NEK1: variants seen among roughly 807,000 people sequenced by gnomAD.
The protein encoded by NEK1 is serine/threonine-protein kinase Nek1.
A neutral mutation model predicts 182.1 loss-of-function variants in NEK1; 137 were observed. The ratio of observed to expected loss-of-function variants is 0.75; its 90% confidence interval spans 0.65 to 0.87. The LOEUF is 0.87. NEK1 is among the 40% of genes least tolerant of loss of function. The pLI is 0.00. For missense variants in NEK1, 1,391 were observed against 1,494.4 expected (o/e 0.93, Z 1.14); for synonymous variants, 513 against 492.2 (o/e 1.04, Z -0.56).
At chr4:169,543,861 A>C (rs897537756) in intron 18 of NEK1, among the ~76,000 whole-genome samples, 1 of 152,218 alleles carries the variant, frequency 6.6e-6, no homozygotes, top group African/African-American at 2.4e-5. Flanking sequence ...GAAGTTGCTT[A>C]TCAGCTTAAG....
chr4:169,490,336 A>G (rs985341700), intron 23 of NEK1, among the ~76,000 whole-genome samples: 20 of 152,142 alleles, frequency 1.3e-4, no homozygotes, highest in African/African-American at 4.3e-4. Flanking sequence ...AGGTAAAATC[A>G]TCCCCTACAA....
intron 19 of NEK1, among the ~76,000 whole-genome samples, chr4:169,515,552 G>A (rs189461645): frequency 6.9e-4 from 99 of 143,510 alleles, no homozygotes; most frequent in African/African-American, 2.5e-3. Context: ...TGCACATTGT[G>A]CAGGTTAGTT....
intron 11 of NEK1, 31 bp downstream of exon 11, chr4:169,580,809 CAG>C (rs1228376682): frequency 1.5e-6 from 2 of 1,321,926 alleles, no homozygotes; most frequent in East Asian, 5.1e-5. Context: ...TTATTGCAAA[CAG>C]ATGAAAGGCT....
intron 27 of NEK1, among the ~76,000 whole-genome samples, chr4:169,461,895 TAAG>T (rs1322397992): frequency 6.6e-6 from 1 of 152,068 alleles, no homozygotes; most frequent in Non-Finnish European, 1.5e-5. Flanking sequence ...TGAACACAAC[TAAG>T]AAGTGTTCAA....
At chr4:169,573,763 G>C (rs1172682047) in intron 12 of NEK1, among the ~76,000 whole-genome samples, 1 of 152,184 alleles carries the variant, frequency 6.6e-6, no homozygotes, top group Non-Finnish European at 1.5e-5. Flanking sequence ...TATAAATGAG[G>C]CTAAGAAAGA....
chr4:169,418,732 C>G (rs1479912794), intron 31 of NEK1, among the ~76,000 whole-genome samples: 1 of 151,968 alleles, frequency 6.6e-6, no homozygotes, highest in African/African-American at 2.4e-5. Flanking sequence ...ACAAAATGAA[C>G]ATAATCTTAG....
intron 27 of NEK1, among the ~76,000 whole-genome samples, chr4:169,451,134 A>T (rs1216315586): frequency 6.6e-6 from 1 of 152,256 alleles, no homozygotes; most frequent in Non-Finnish European, 1.5e-5. Context: ...AGATTCATAA[A>T]GCAAGTTCTT....
intron 19 of NEK1, among the ~76,000 whole-genome samples, chr4:169,516,345 G>A: frequency 1.5e-5 from 2 of 130,376 alleles, no homozygotes; most frequent in Non-Finnish European, 3.1e-5. Context: ...GTTTTTGATG[G>A]GGTTGTTTGT....
intron 12 of NEK1, among the ~76,000 whole-genome samples, chr4:169,564,710 T>C (rs2149962743): frequency 6.6e-6 from 1 of 152,286 alleles, no homozygotes; most frequent in Admixed American, 6.5e-5. Context: ...TTCTTTCTAA[T>C]GAAACACAAC....
intron 31 of NEK1, among the ~76,000 whole-genome samples, chr4:169,423,849 T>C (rs954393757): frequency 1.3e-5 from 2 of 152,198 alleles, no homozygotes; most frequent in African/African-American, 4.8e-5. Context: ...TTTATGATGA[T>C]ATAAAGAGAA....
intron 12 of NEK1, among the ~76,000 whole-genome samples, chr4:169,568,127 T>C (rs147746510): frequency 1.5e-4 from 23 of 152,304 alleles, no homozygotes; most frequent in African/African-American, 4.3e-4. Flanking sequence ...GTCAGGCTGA[T>C]ACATGGCCAA....
At chr4:169,446,513 C>A (rs1413378121) in intron 27 of NEK1, among the ~76,000 whole-genome samples, 1 of 151,902 alleles carries the variant, frequency 6.6e-6, no homozygotes, top group Non-Finnish European at 1.5e-5. Context: ...CGATGAACAC[C>A]CATAACATCA....
At chr4:169,570,542 C>T (rs572177140) in intron 12 of NEK1, among the ~76,000 whole-genome samples, 44 of 147,756 alleles carry the variant, frequency 3.0e-4, no homozygotes, top group Non-Finnish European at 5.1e-4. Context: ...CATACCCGTC[C>T]GGGAGGGAGG....
chr4:169,610,455 A>T (rs1390691201), intron 2 of NEK1, among the ~76,000 whole-genome samples: 1 of 151,964 alleles, frequency 6.6e-6, no homozygotes, highest in African/African-American at 2.4e-5. Flanking sequence ...CTGGGATTAC[A>T]GGCACGCACC....
chr4:169,413,484 T>C (rs1734007242), intron 31 of NEK1, among the ~76,000 whole-genome samples: 1 of 152,196 alleles, frequency 6.6e-6, no homozygotes, highest in Non-Finnish European at 1.5e-5. Context: ...TCCAAAGTTT[T>C]CCAGGCAAGT....
chr4:169,522,061 G>C (rs1756154969), intron 19 of NEK1, among the ~76,000 whole-genome samples: 1 of 152,132 alleles, frequency 6.6e-6, no homozygotes, highest in Non-Finnish European at 1.5e-5. Flanking sequence ...GATAATTTCA[G>C]TATTTTTACT....
intron 2 of NEK1, among the ~76,000 whole-genome samples, chr4:169,607,451 AAATTTTTTTTTAATTTTT>A (rs1306601290): frequency 1.3e-5 from 2 of 152,132 alleles, no homozygotes; most frequent in Admixed American, 6.5e-5. Context: ...CAAAGAATTA[AAATTTTTTTTTAATTTTT>A]AATTTTTTTT....
chr4:169,463,506 G>T, intron 26 of NEK1, 111 bp from the exon 27 acceptor site: 1 of 611,112 alleles, frequency 1.6e-6, no homozygotes, highest in Non-Finnish European at 2.6e-6. Flanking sequence ...AGAAAAAAAG[G>T]TTATATCACA....
intron 26 of NEK1, among the ~76,000 whole-genome samples, chr4:169,471,125 A>G (rs538155713): frequency 1.3e-5 from 2 of 152,298 alleles, no homozygotes; most frequent in East Asian, 1.9e-4. Flanking sequence ...ACTTCTGTCA[A>G]TTCATCAAAC....
Sources: gnomAD v4.1 joint callset for allele counts (sites outside exome capture counted in the v4.1 genomes callset) on GRCh38, gnomAD v4.1.1 for gene constraint, MANE v1.5 for transcripts, NCBI Gene and HGNC (gene_info 2026-07-23, HGNC 2026-07-21) for gene names.